The following KIAA1191 variants were observed in gnomAD, a reference collection of about 807,000 sequenced individuals.
KIAA1191 encodes the protein putative monooxygenase p33MONOX.
In KIAA1191, 22 loss-of-function variants were observed where a neutral mutation model predicts 31.1. The observed-to-expected ratio is 0.71, with a 90% CI of 0.51 to 1.01. KIAA1191 has a LOEUF of 1.01. Among genes scored for constraint, KIAA1191 ranks in the 50% least tolerant of loss-of-function variants. KIAA1191 has a pLI of 0.00. For synonymous variants in KIAA1191, 130 were observed against 143.9 expected (o/e 0.90, Z 0.69); for missense variants, 319 against 388.0 (o/e 0.82, Z 1.49).
Position 176,348,365 on chromosome 5 carries a change from A to T in KIAA1191, c.460-9T>A, listed in dbSNP as rs1766704480. 3 of 1,601,678 alleles carry T rather than the reference A, an allele frequency of 1.9e-6. No individual in the cohort carries two copies. Among genetic ancestry groups the T allele is most frequent in the Non-Finnish European group, 2.6e-6 (3 of 1,169,284 alleles). On this transcript the variant is annotated splice_polypyrimidine_tract_variant and intron_variant, in intron 6 of 8. Transcript: ENST00000298569. ...CTCTGTAACTTTAGTTTCTGCTCAG[A>T]TGGGTAAGAAGAGAGACTTTTTAAA...
rs368086090 is a variant in KIAA1191 at position 176,359,500 on chromosome 5, T to A, written c.9A>T (p.Ser3=). 4.3e-6 allele frequency: 7 copies of A among 1,613,506 alleles called. No individual in the cohort carries two copies. The African/African-American group carries it at 8.0e-5, about 18-fold the overall frequency. MA[S]RQPEVPALEA... ...GTTTACCAGGCACTTCTGGTTGTCT[T>A]GAAGCCATTGAAAGACTGGGATCCA... Residue 3 remains serine, a synonymous_variant, in exon 3 of 9, where the codon TCA becomes TCT. Coordinates refer to ENST00000298569, the MANE Select transcript of KIAA1191 (RefSeq NM_020444.5).
chr5:176,347,912 C>T lies in KIAA1191; in HGVS notation c.709+9G>A. On this transcript the variant is annotated intron_variant, in intron 8 of 8. Transcript: ENST00000298569. ...CATGCTGCTCTCTTTTTTGAAGGTG[C>T]TGCCTTACCAGAATCGTACTTCTGA... 1 of 1,614,064 alleles carries T rather than the reference C, an allele frequency of 6.2e-7. No individual in the cohort carries two copies. The highest frequency in any genetic ancestry group is 8.5e-7 in the Non-Finnish European group (1 of 1,180,004).
chr5:176,353,084 C>G (rs1767181133), intron 4 of KIAA1191: 1 of 194,644 alleles, frequency 5.1e-6, no homozygotes, highest in African/African-American at 2.3e-5. Flanking sequence ...GAAGCACTGA[C>G]CACATCCCAG....
At chr5:176,348,160 C>G (rs1766683589) in intron 7 of KIAA1191, 90 bp downstream of exon 7, 2 of 1,594,428 alleles carry the variant, frequency 1.3e-6, no homozygotes. Context: ...CCTTCTCCCT[C>G]TGAAACCACA....
intron 4 of KIAA1191, 40 bp from the exon 5 acceptor site, chr5:176,352,788 G>A (rs766463559): frequency 1.9e-6 from 3 of 1,582,582 alleles, no homozygotes; most frequent in Non-Finnish European, 2.6e-6. Context: ...CTTAGGCAGG[G>A]CAGGGGAGTC....
chr5:176,356,061 C>T (rs377576385), intron 3 of KIAA1191: 5 of 304,872 alleles, frequency 1.6e-5, no homozygotes, highest in Non-Finnish European at 1.9e-5. Flanking sequence ...GCAGGCTCAA[C>T]CTCCTGGGCT....
chr5:176,348,291 G>A lies in KIAA1191; in HGVS notation c.525C>T (p.Thr175=). ...EERQPASAQS[T]PSTTPHSSPK... is the part of the protein sequence containing the mutation. ...GTGAAGAGTGCGGAGTGGTGCTTGG[G>A]GTGGACTGGGCTGATGCAGGCTGCC... The change falls in exon 7 of 9, where the codon ACC becomes ACT. Residue 175 remains threonine, a synonymous_variant. Transcript: ENST00000298569. 1.5e-5 allele frequency: 25 copies of A among 1,613,722 alleles called. No homozygotes were observed. The highest frequency in any genetic ancestry group is 2.1e-5 in the Non-Finnish European group (25 of 1,179,946).
intron 6 of KIAA1191, among the ~76,000 whole-genome samples, chr5:176,349,334 T>C (rs1766790973): frequency 6.6e-6 from 1 of 152,212 alleles, no homozygotes; most frequent in South Asian, 2.1e-4. Context: ...TGATTTCCTA[T>C]AGCAGTTTTT....
chr5:176,361,098 A>T lies in KIAA1191; in HGVS notation c.-168+504T>A, dbSNP rs1393994573. 6.6e-6 allele frequency: 1 copy of T among 152,320 alleles called. No homozygotes were observed. The highest frequency in any genetic ancestry group is 1.5e-5 in the Non-Finnish European group (1 of 68,130). 9.4% of individuals were successfully genotyped at this position (152,320 alleles called of 1,614,324 possible). A position where few individuals can be genotyped will look rare whatever the true frequency, so the allele number is the denominator to read the frequency against. Reference sequence around the variant, plus strand: ...AAAGGCCGAATTCAGCCATCCTCCCAGTCCAGGGAGCATTCCCGCCCCAGA... The same window carrying T: ...AAAGGCCGAATTCAGCCATCCTCCCTGTCCAGGGAGCATTCCCGCCCCAGA... On this transcript the variant is annotated intron_variant, in intron 1 of 8. Transcript: ENST00000298569. This position sits in a 1 kb window ranked among gnomAD's most constrained non-coding sequence, Gnocchi z 4.0.
intron 6 of KIAA1191, 126 bp downstream of exon 6, chr5:176,350,487 A>G: frequency 8.2e-7 from 1 of 1,213,964 alleles, no homozygotes. Context: ...CTACGAGGCT[A>G]AGAGCTCGGG....
chr5:176,358,369 CTTTAAG>C (rs1473041205), intron 3 of KIAA1191, among the ~76,000 whole-genome samples: 22 of 152,210 alleles, frequency 1.4e-4, no homozygotes, highest in African/African-American at 4.8e-4. Flanking sequence ...TGACTATTCT[CTTTAAG>C]TTAAAGTTTC....
intron 3 of KIAA1191, among the ~76,000 whole-genome samples, chr5:176,358,504 T>A (rs1038506611): frequency 7.0e-6 from 1 of 142,018 alleles, no homozygotes; most frequent in Non-Finnish European, 1.5e-5. Flanking sequence ...TCACCTGAGG[T>A]CAGGAGTTTG....
At chr5:176,358,506 A>T (rs1767687180) in intron 3 of KIAA1191, among the ~76,000 whole-genome samples, 1 of 149,748 alleles carries the variant, frequency 6.7e-6, no homozygotes, top group Non-Finnish European at 1.5e-5. Context: ...ACCTGAGGTC[A>T]GGAGTTTGAG....
chr5:176,348,613 C>G (rs1383073097), intron 6 of KIAA1191, among the ~76,000 whole-genome samples: 1 of 151,048 alleles, frequency 6.6e-6, no homozygotes, highest in Non-Finnish European at 1.5e-5. Context: ...ACAACTTTTA[C>G]TTTCAGAAAC....
intron 6 of KIAA1191, chr5:176,348,891 G>A (rs1766751736): frequency 6.5e-6 from 1 of 154,994 alleles, no homozygotes; most frequent in Non-Finnish European, 1.4e-5. Context: ...TCAGCACCGT[G>A]AGCATTCCTC....
intron 6 of KIAA1191, among the ~76,000 whole-genome samples, chr5:176,350,041 C>A (rs1288907377): frequency 6.6e-6 from 1 of 152,154 alleles, no homozygotes; most frequent in East Asian, 1.9e-4. Context: ...AATAGATGGC[C>A]TCGAACCTCA....
In KIAA1191 at chr5:176,352,754, C is replaced by T; in HGVS notation, c.208-6G>A. 1 of 1,612,722 alleles carries T rather than the reference C, an allele frequency of 6.2e-7. No individual in the cohort carries two copies. The highest frequency in any genetic ancestry group is 8.5e-7 in the Non-Finnish European group (1 of 1,179,330). On this transcript the variant is annotated splice_polypyrimidine_tract_variant and splice_region_variant and intron_variant, in intron 4 of 8. Transcript: ENST00000298569. ...CTGGCCTCTCCTTCCTCCACCTGTT[C>T]AAGAGAGGTACAGTACAGAAGCACT...
intron 5 of KIAA1191, among the ~76,000 whole-genome samples, chr5:176,351,029 A>T (rs2113470338): frequency 6.6e-6 from 1 of 152,264 alleles, no homozygotes; most frequent in East Asian, 1.9e-4. Context: ...GTACATGGTG[A>T]CATTTTCTTT....
Position 176,355,681 on chromosome 5 carries a change from A to T in KIAA1191, c.97T>A (p.Tyr33Asn). The T allele has an allele frequency of 6.2e-7, 1 of 1,613,632 alleles. No individual in the cohort carries two copies. The highest frequency in any genetic ancestry group is 1.1e-5 in the South Asian group (1 of 91,056). The change falls in exon 4 of 9, where the codon TAT becomes AAT. Residue 33 changes from tyrosine (Y) to asparagine (N), a missense_variant. Physicochemically the swap from Tyr to Asn is moderately radical, Grantham distance 143. Transcript: ENST00000298569. The surrounding 1 kb of genome is among the most constrained non-coding windows in gnomAD (Gnocchi z 4.2). Reference sequence around the variant, plus strand: ...GCAGGGTCCTCGAGGGTATCATCATAGCTGACTGCCCGGCGGTATATCCCG... The same window carrying T: ...GCAGGGTCCTCGAGGGTATCATCATTGCTGACTGCCCGGCGGTATATCCCG... ...PIGIYRRAVS[Y>N]DDTLEDPAPM... is the part of the protein sequence containing the mutation.
Sources: allele counts gnomAD v4.1 joint callset (sites outside exome capture counted in the v4.1 genomes callset), GRCh38; gene constraint gnomAD v4.1.1; non-coding constraint Gnocchi (gnomAD v3.1); transcripts MANE v1.5; gene names NCBI Gene and HGNC (gene_info 2026-07-23, HGNC 2026-07-21).